CNIH3: variants seen among roughly 807,000 people sequenced by gnomAD.
The protein encoded by CNIH3 is protein cornichon homolog 3.
CNIH3 carries 14 observed loss-of-function variants against 24.1 expected under a neutral mutation model. The ratio of observed to expected loss-of-function variants is 0.58; its 90% confidence interval spans 0.38 to 0.91. The LOEUF (loss-of-function observed/expected upper bound fraction) is 0.91, where lower values mean the gene tolerates loss of function less well. Ranked by LOEUF, CNIH3 falls within the 40% of genes least tolerant of loss-of-function variation. The probability of loss-of-function intolerance (pLI) is 0.00; values close to 1 mark genes in which losing one functional copy is unlikely to be tolerated. For missense variants in CNIH3, 178 were observed against 196.8 expected, an observed-to-expected ratio of 0.90 and a Z score of 0.57; for synonymous variants, 68 against 73.8, an observed-to-expected ratio of 0.92 and a Z score of 0.40.
chr1:224,694,517 C>T (rs1016263990), intron 3 of CNIH3, among the ~76,000 whole-genome samples: 2 of 152,120 alleles, frequency 1.3e-5, no homozygotes, highest in Admixed American at 6.5e-5. Flanking sequence ...GGCTAGGTCA[C>T]GGTGCCTAGA....
intron 3 of CNIH3, among the ~76,000 whole-genome samples, chr1:224,699,766 T>A (rs1687381029): frequency 6.6e-6 from 1 of 152,170 alleles, no homozygotes; most frequent in Non-Finnish European, 1.5e-5. Context: ...ACCTTATCTA[T>A]GATAAAAATC....
At chr1:224,727,114 A>C (rs1226196249) in intron 3 of CNIH3, among the ~76,000 whole-genome samples, 1 of 152,198 alleles carries the variant, frequency 6.6e-6, no homozygotes, top group Non-Finnish European at 1.5e-5. Flanking sequence ...GTCCGGTGAC[A>C]GGGAGCTGTG....
At chr1:224,477,307 C>T (rs115497958) in intron 1 of CNIH3, among the ~76,000 whole-genome samples, 131 of 152,310 alleles carry the variant, frequency 8.6e-4, no homozygotes, top group South Asian at 2.7e-3. Flanking sequence ...CTGAGTGGGA[C>T]GCGCAAGCTA....
intron 3 of CNIH3, among the ~76,000 whole-genome samples, chr1:224,727,319 A>T (rs1689085161): frequency 6.6e-6 from 1 of 152,238 alleles, no homozygotes; most frequent in South Asian, 2.1e-4. Flanking sequence ...TTGGCAGCTT[A>T]AAACAACACA....
chr1:224,484,144 C>G, intron 1 of CNIH3, among the ~76,000 whole-genome samples: 1 of 146,590 alleles, frequency 6.8e-6, no homozygotes, highest in African/African-American at 2.5e-5. Flanking sequence ...GCACTCTAGC[C>G]TGGGCAACAA....
At chr1:224,554,189 G>A (rs1375214443) in intron 3 of CNIH3, among the ~76,000 whole-genome samples, 1 of 152,140 alleles carries the variant, frequency 6.6e-6, no homozygotes, top group Admixed American at 6.5e-5. Context: ...CTTGGCTTCT[G>A]TCTGGCAGAC....
intron 3 of CNIH3, among the ~76,000 whole-genome samples, chr1:224,709,262 GCT>G (rs58979922): frequency 3.3e-5 from 5 of 150,748 alleles, no homozygotes; most frequent in African/African-American, 7.3e-5. Context: ...ATCTTCTCCT[GCT>G]CTCTCTCTCT....
At chr1:224,438,816 A>G (rs1674775045) in intron 1 of CNIH3, among the ~76,000 whole-genome samples, 1 of 152,196 alleles carries the variant, frequency 6.6e-6, no homozygotes, top group African/African-American at 2.4e-5. Flanking sequence ...GGGGATAATG[A>G]CATTGGCATA....
At position 224,616,716 on chromosome 1, in the gene CNIH3, G is replaced by C; in HGVS notation, c.-459G>C. On this transcript the variant is annotated 5_prime_UTR_variant, in exon 1 of 6. Transcript: ENST00000272133. Reference sequence around the variant, plus strand: ...ATCCGTTTGCGCCCCGGTGGCGCGGGAGGGTCCGGAGCGGAGCGCTCGTCT... The same window carrying C: ...ATCCGTTTGCGCCCCGGTGGCGCGGCAGGGTCCGGAGCGGAGCGCTCGTCT... 2 of 994,256 alleles carry C rather than the reference G, an allele frequency of 2.0e-6. No homozygotes were observed. The highest frequency in any genetic ancestry group is 2.4e-6 in the Non-Finnish European group (2 of 836,148). 61.6% of individuals were successfully genotyped at this position (994,256 alleles called of 1,614,324 possible).
At chr1:224,715,195 C>T (rs2125209960) in intron 3 of CNIH3, among the ~76,000 whole-genome samples, 1 of 152,264 alleles carries the variant, frequency 6.6e-6, no homozygotes, top group South Asian at 2.1e-4. Flanking sequence ...ATTCATCTTC[C>T]TTAGCAGTGT....
intron 3 of CNIH3, among the ~76,000 whole-genome samples, chr1:224,728,653 C>G (rs967448563): frequency 1.3e-5 from 2 of 152,194 alleles, no homozygotes; most frequent in Admixed American, 1.3e-4. Flanking sequence ...CCCTCTGTGT[C>G]TGCCATCTGG....
chr1:224,514,836 C>G (rs189945723), upstream of CNIH3, among the ~76,000 whole-genome samples: 1 of 152,188 alleles, frequency 6.6e-6, no homozygotes, highest in Non-Finnish European at 1.5e-5. Flanking sequence ...TCTCAAAAAA[C>G]AAACAACAAA....
chr1:224,496,082 C>T (rs1313174374), intron 1 of CNIH3, among the ~76,000 whole-genome samples: 1 of 152,188 alleles, frequency 6.6e-6, no homozygotes, highest in Non-Finnish European at 1.5e-5. Context: ...AGCCCCTTGT[C>T]CTCCCAGCTG....
intron 1 of CNIH3, among the ~76,000 whole-genome samples, chr1:224,441,483 A>G (rs1294971641): frequency 1.3e-5 from 2 of 152,232 alleles, no homozygotes; most frequent in Admixed American, 1.3e-4. Context: ...TAGCCCCAGG[A>G]GTCCCTGCAT....
Position 224,528,402 on chromosome 1 carries a change from C to A in CNIH3, n.343+7075C>A, listed in dbSNP as rs181810083. On this transcript the variant is annotated intron_variant and non_coding_transcript_variant, in intron 2 of 2. Transcript: ENST00000470602. ...GTGGTGTGATCATGGCTCACTGTAG[C>A]CTTAACCTCCTGAGCTCAAAGGATC... Among the ~76,000 whole-genome samples the A allele has an allele frequency of 3.2e-4, 49 of 152,172 alleles. No homozygotes were observed. The East Asian group carries it at 6.4e-3, about 20-fold the overall frequency.
chr1:224,681,324 A>C (rs748541074), intron 2 of CNIH3, among the ~76,000 whole-genome samples: 1 of 152,112 alleles, frequency 6.6e-6, no homozygotes, highest in Non-Finnish European at 1.5e-5. Flanking sequence ...CTCATCCTTA[A>C]ACAAGAAAAG....
chr1:224,645,648 G>A (rs1276506727), intron 1 of CNIH3, among the ~76,000 whole-genome samples: 5 of 152,210 alleles, frequency 3.3e-5, no homozygotes, highest in Non-Finnish European at 5.9e-5. Flanking sequence ...AGCCCGGAAG[G>A]CTGTGCTATG....
At chr1:224,623,118 C>T (rs1558223551) in intron 1 of CNIH3, among the ~76,000 whole-genome samples, 1 of 152,276 alleles carries the variant, frequency 6.6e-6, no homozygotes, top group East Asian at 1.9e-4. Flanking sequence ...TTTGTGGTCC[C>T]TGAGCCCCCT....
At chr1:224,629,778 C>T (rs1683728900) in intron 1 of CNIH3, among the ~76,000 whole-genome samples, 2 of 152,042 alleles carry the variant, frequency 1.3e-5, no homozygotes, top group South Asian at 4.2e-4. Flanking sequence ...TCTTTCTTGA[C>T]CCTCTGGCCC....
Sources: allele counts gnomAD v4.1 joint callset (sites outside exome capture counted in the v4.1 genomes callset), GRCh38; gene constraint gnomAD v4.1.1; transcripts MANE v1.5; gene names NCBI Gene and HGNC (gene_info 2026-07-23, HGNC 2026-07-21).